Variants in CRHR2 observed in about 807,000 individuals in gnomAD.
CRHR2 encodes the protein corticotropin releasing hormone receptor 2.
Under a neutral mutation model 57.9 loss-of-function variants are expected in CRHR2, and 53 were observed. The ratio of observed to expected loss-of-function variants is 0.92; its 90% CI spans 0.73 to 1.15. The LOEUF (loss-of-function observed/expected upper bound fraction) is 1.15. Ranked by LOEUF, CRHR2 falls within the 50% of genes most tolerant of loss-of-function variation. The pLI, the probability that CRHR2 is intolerant of heterozygous loss-of-function variation, is 0.00. For synonymous variants in CRHR2, 213 were observed against 220.9 expected (o/e 0.96, Z 0.32); for missense variants, 532 against 542.6 (o/e 0.98, Z 0.19).
intron 2 of CRHR2, among the ~76,000 whole-genome samples, chr7:30,677,962 C>T (rs1283458304): frequency 2.0e-5 from 3 of 152,146 alleles, no homozygotes; most frequent in Non-Finnish European, 1.5e-5. Context: ...CTCAGCTACT[C>T]GGGAGGCTGA....
chr7:30,670,932 T>G lies in CRHR2; in HGVS notation c.230-3619A>C, dbSNP rs555473366. On this transcript the variant is annotated intron_variant, in intron 2 of 11. Coordinates refer to ENST00000471646, the MANE Select transcript of CRHR2 (RefSeq NM_001883.5). ...GACTCTGTAGTCTGGGAGGCCTGGT[T>G]TCCATGCCCAGAGTGGCCCAGGCCT... 2.0e-5 allele frequency among the ~76,000 whole-genome samples: 3 copies of G among 152,328 alleles called. No individual in the cohort carries two copies. In the South Asian group the frequency reaches 6.2e-4, roughly 32 times the overall value.
chr7:30,698,694 C>T (rs1353909726), intron 1 of CRHR2, among the ~76,000 whole-genome samples: 2 of 152,200 alleles, frequency 1.3e-5, no homozygotes, highest in African/African-American at 4.8e-5. Flanking sequence ...GGCCAGGCCC[C>T]CAGGAAGGCA....
At chr7:30,694,894 T>G (rs1258348999) in intron 1 of CRHR2, among the ~76,000 whole-genome samples, 14 of 99,378 alleles carry the variant, frequency 1.4e-4, no homozygotes, top group Admixed American at 2.7e-4. Context: ...GGAGAGGGGA[T>G]GATGAGGAGA....
chr7:30,658,607 G>A (rs1783878408), intron 8 of CRHR2, among the ~76,000 whole-genome samples: 1 of 152,208 alleles, frequency 6.6e-6, no homozygotes, highest in Non-Finnish European at 1.5e-5. Flanking sequence ...GCAGTTGTGT[G>A]GCCTTGGGTA....
rs555878155 is a variant in CRHR2 at position 30,660,437 on chromosome 7, A to G, written c.831+136T>C. 9.5e-6 allele frequency: 8 copies of G among 838,110 alleles called. No homozygotes were observed. In the African/African-American group the frequency reaches 1.4e-4, roughly 14 times the overall value. The allele number at this position is 838,110 out of a possible 1,614,324, so 51.9% of individuals were successfully genotyped here. On this transcript the variant is annotated intron_variant, in intron 8 of 11. Transcript: ENST00000471646. ...GGTGCTGGGGCACAGGGTGGCATGG[A>G]CAGGGTACGGGGGTGGCATATAGAG... is the stretch of plus-strand genomic sequence containing the variant.
At chr7:30,671,662 C>A (rs1238876060) in intron 2 of CRHR2, among the ~76,000 whole-genome samples, 1 of 147,124 alleles carries the variant, frequency 6.8e-6, no homozygotes, top group Admixed American at 6.8e-5. Context: ...AAAAAAATAG[C>A]CAGGCGTGGT....
intron 1 of CRHR2, chr7:30,698,261 A>G (rs1785096352): frequency 6.6e-6 from 1 of 152,272 alleles, no homozygotes; most frequent in African/African-American, 2.4e-5. Flanking sequence ...CCACTCCGGG[A>G]TCCGCAGGAG....
At chr7:30,668,049 A>G (rs781424069) in intron 2 of CRHR2, among the ~76,000 whole-genome samples, 3 of 152,218 alleles carry the variant, frequency 2.0e-5, no homozygotes, top group Non-Finnish European at 4.4e-5. Flanking sequence ...GCTGCCTGGG[A>G]GGCTACCACG....
chr7:30,660,163 C>G (rs1163608582), intron 8 of CRHR2, among the ~76,000 whole-genome samples: 1 of 152,134 alleles, frequency 6.6e-6, no homozygotes, highest in African/African-American at 2.4e-5. Context: ...GGGTGGTGGG[C>G]TGGACCTGGA....
intron 2 of CRHR2, among the ~76,000 whole-genome samples, chr7:30,672,396 G>A (rs958233145): frequency 5.9e-5 from 9 of 152,224 alleles, no homozygotes; most frequent in Non-Finnish European, 1.3e-4. Context: ...GCATGTCCTG[G>A]GTTGCTGTCA....
At chr7:30,683,938 C>T (rs370419861), upstream of CRHR2, among the ~76,000 whole-genome samples, 3 of 152,196 alleles carry the variant, frequency 2.0e-5, no homozygotes, top group Admixed American at 1.3e-4. Flanking sequence ...TTGTGTGCTC[C>T]GCTCTCACCA....
chr7:30,656,924 C>A lies in CRHR2; in HGVS notation c.832-912G>T, dbSNP rs1005746895. On this transcript the variant is annotated intron_variant, in intron 8 of 11. Transcript: ENST00000471646. This position sits in a 1 kb window ranked among gnomAD's most constrained non-coding sequence, Gnocchi z 4.4. The stretch of plus-strand genomic sequence containing the variant: ...TGGATCTGGGGCCCGGGCACATCTG[C>A]GTTTCTCTTCACCTGCCTCCGAGCA... Among the ~76,000 whole-genome samples, 1 of 152,170 alleles carries A rather than the reference C, an allele frequency of 6.6e-6. No individual in the cohort carries two copies. The highest frequency in any genetic ancestry group is 2.4e-5 in the African/African-American group (1 of 41,434).
chr7:30,657,659 A>G (rs1256256803), intron 8 of CRHR2, among the ~76,000 whole-genome samples: 1 of 152,144 alleles, frequency 6.6e-6, no homozygotes, highest in Admixed American at 6.5e-5. Flanking sequence ...TCCAACATCC[A>G]TCAACCCACT....
rs549695393 is a variant in CRHR2 at position 30,652,079 on chromosome 7, T to C, written c.*1381A>G. Reference sequence around the variant, plus strand: ...TTAAAAATGTGCAAGACGGGATACATGATTTTTCAAAACTTATTTTTGTAG... The same window carrying C: ...TTAAAAATGTGCAAGACGGGATACACGATTTTTCAAAACTTATTTTTGTAG... On this transcript the variant is annotated 3_prime_UTR_variant, in exon 12 of 12. Coordinates refer to ENST00000471646, the MANE Select transcript of CRHR2 (RefSeq NM_001883.5). This position sits in a 1 kb window ranked among gnomAD's most constrained non-coding sequence, Gnocchi z 4.4. The C allele has an allele frequency of 1.3e-5, 2 of 152,354 alleles. No individual in the cohort carries two copies. The highest frequency in any genetic ancestry group is 2.9e-5 in the Non-Finnish European group (2 of 68,036). 9.4% of individuals were successfully genotyped at this position (152,354 alleles called of 1,614,324 possible). A position where few individuals can be genotyped will look rare whatever the true frequency, so the allele number is the denominator to read the frequency against.
rs1272896880 is a variant in CRHR2, at chr7:30,665,689, G to A, written c.316-50C>T. Reference sequence around the variant, plus strand: ...CAGATGGAGGCATGGGCACGTGGGGGTGGGGCTGGGTATTCCAGCCGTGGC... The same window carrying A: ...CAGATGGAGGCATGGGCACGTGGGGATGGGGCTGGGTATTCCAGCCGTGGC... On this transcript the variant is annotated intron_variant, in intron 3 of 11. Coordinates refer to ENST00000471646, the MANE Select transcript of CRHR2 (RefSeq NM_001883.5). The surrounding 1 kb of genome is among the most constrained non-coding windows in gnomAD (Gnocchi z 4.5). 1 of 1,469,104 alleles carries A rather than the reference G, an allele frequency of 6.8e-7. No individual in the cohort carries two copies. The highest frequency in any genetic ancestry group is 2.0e-5 in the Admixed American group (1 of 50,458). The allele number at this position is 1,469,104 out of a possible 1,614,324, so 91.0% of individuals were successfully genotyped here.
Position 30,682,252 on chromosome 7 carries a change from A to G in CRHR2, c.29T>C (p.Leu10Pro). 1 of 1,587,888 alleles carries G rather than the reference A, an allele frequency of 6.3e-7. No homozygotes were observed. The highest frequency in any genetic ancestry group is 8.5e-7 in the Non-Finnish European group (1 of 1,174,112). Residue 10 changes from leucine (L) to proline (P), a missense_variant, in exon 1 of 12, where the codon CTG becomes CCG. Physicochemically the swap from Leu to Pro is moderately conservative, Grantham distance 98 (BLOSUM62 -3). Coordinates refer to ENST00000471646, the MANE Select transcript of CRHR2 (RefSeq NM_001883.5). ...CAGCGCCAGGCTGCAGTTGGCCTCC[A>G]GCAGGCTGTGGAGCAGTGCCGCGTC... is the stretch of plus-strand genomic sequence containing the variant. MDAALLHSL[L>P]EANCSLALAE... is the part of the protein sequence containing the mutation.
chr7:30,660,697 C>T (rs778152177), intron 7 of CRHR2, 52 bp from the exon 8 acceptor site: 168 of 1,529,714 alleles, frequency 1.1e-4, no homozygotes, highest in Admixed American at 6.5e-4. Flanking sequence ...ACTGGGGGAC[C>T]CCCACAGACT....
intron 2 of CRHR2, among the ~76,000 whole-genome samples, chr7:30,688,154 A>G (rs1446184623): frequency 6.6e-6 from 1 of 152,216 alleles, no homozygotes; most frequent in East Asian, 1.9e-4. Context: ...TTCTTAGAAG[A>G]AGAAGAGATT....
At position 30,665,407 on chromosome 7, in the gene CRHR2, A is replaced by G; in HGVS notation, c.425+123T>C. ...TGCCCTGGCACCCCACCCAAACCCC[A>G]CTTTCTCCACGGGCCCTTTTATCTG... On this transcript the variant is annotated intron_variant, in intron 4 of 11. Coordinates refer to ENST00000471646, the MANE Select transcript of CRHR2 (RefSeq NM_001883.5). The surrounding 1 kb of genome is among the most constrained non-coding windows in gnomAD (Gnocchi z 4.5). 1.1e-6 allele frequency: 1 copy of G among 947,226 alleles called. No individual in the cohort carries two copies. The highest frequency in any genetic ancestry group is 1.6e-6 in the Non-Finnish European group (1 of 621,338). 58.7% of individuals were successfully genotyped at this position (947,226 alleles called of 1,614,324 possible).
Sources: allele counts gnomAD v4.1 joint callset (sites outside exome capture counted in the v4.1 genomes callset), GRCh38; gene constraint gnomAD v4.1.1; non-coding constraint Gnocchi (gnomAD v3.1); transcripts MANE v1.5; gene names NCBI Gene and HGNC (gene_info 2026-07-23, HGNC 2026-07-21).